The following FADS6 variants were observed in gnomAD, a reference collection of about 807,000 sequenced individuals.
FADS6 encodes fatty acid desaturase 6, also known as fatty acid desaturase domain family, member 6.
In FADS6, 28 loss-of-function variants were observed where a neutral mutation model predicts 31.7. The observed-to-expected ratio is 0.88, with a 90% CI of 0.66 to 1.21. The LOEUF is 1.21. FADS6 is among the 50% of genes most tolerant of loss of function. The pLI is 0.00. For missense variants in FADS6, 494 were observed against 504.2 expected (o/e 0.98, Z 0.19); for synonymous variants, 191 against 213.1 (o/e 0.90, Z 0.90).
intron 2 of FADS6, among the ~76,000 whole-genome samples, chr17:74,891,608 T>TA (rs2038689740): frequency 6.6e-6 from 1 of 152,054 alleles, no homozygotes; most frequent in Non-Finnish European, 1.5e-5. Context: ...TTCAGCACTT[T>TA]GATGTGTGTG....
intron 3 of FADS6, 33 bp downstream of exon 3, chr17:74,882,497 G>T: frequency 6.3e-7 from 1 of 1,582,812 alleles, no homozygotes; most frequent in Non-Finnish European, 8.6e-7. Flanking sequence ...GGTCCATGCA[G>T]GACACTGCGG....
Position 74,882,639 on chromosome 17 carries a change from C to G in FADS6, c.483G>C (p.Val161=). Residue 161 remains valine, a synonymous_variant, in exon 3 of 6, where the codon GTG becomes GTC. Transcript: ENST00000612771. ...HVKMHHAYTN[V]VGLGDSSTWR... is the part of the protein sequence containing the mutation. ...ACGTGCTGGAGTCCCCCAGGCCCAC[C>G]ACGTTGGTGTAGGCATGGTGCATCT... 2 of 1,611,604 alleles carry G rather than the reference C, an allele frequency of 1.2e-6. No individual in the cohort carries two copies. Among genetic ancestry groups the G allele is most frequent in the African/African-American group, 1.3e-5 (1 of 75,024 alleles).
intron 2 of FADS6, among the ~76,000 whole-genome samples, chr17:74,888,294 T>A (rs998673263): frequency 6.6e-6 from 1 of 152,106 alleles, no homozygotes; most frequent in Admixed American, 6.5e-5. Flanking sequence ...GCAAGGCCTG[T>A]GAATCTATAA....
At chr17:74,878,570 C>A (rs910109081) in intron 5 of FADS6, 93 bp from the exon 6 acceptor site, 5 of 1,460,902 alleles carry the variant, frequency 3.4e-6, no homozygotes, top group Non-Finnish European at 4.7e-6. Context: ...ATCTTCCCAC[C>A]CCCAGTTCCT....
chr17:74,892,476 C>T (rs760246757), intron 2 of FADS6, 47 bp downstream of exon 2: 14 of 1,574,912 alleles, frequency 8.9e-6, no homozygotes, highest in Non-Finnish European at 8.6e-7. Flanking sequence ...AATGAGGCTG[C>T]CACACGGTCC....
At chr17:74,885,321 A>C (rs1246870925) in intron 2 of FADS6, among the ~76,000 whole-genome samples, 3 of 152,244 alleles carry the variant, frequency 2.0e-5, no homozygotes, top group African/African-American at 4.8e-5. Flanking sequence ...AAAATAAATA[A>C]ATAAATATTA....
chr17:74,891,479 G>T lies in FADS6; in HGVS notation c.411+1044C>A, dbSNP rs563579747. 2.0e-5 allele frequency among the ~76,000 whole-genome samples: 3 copies of T among 152,214 alleles called. No individual in the cohort carries two copies. The South Asian group carries it at 6.2e-4, about 32-fold the overall frequency. On this transcript the variant is annotated intron_variant, in intron 2 of 5. Transcript: ENST00000612771. ...ACAAACTTGGCGGGCAGCTGACCCA[G>T]ACTCCAGAGCCTGGCCCGTGTCTTA...
downstream of FADS6, chr17:74,877,227 T>C (rs1164926054): frequency 6.7e-6 from 1 of 149,750 alleles, no homozygotes; most frequent in Admixed American, 6.6e-5. Flanking sequence ...CAGTAGATGA[T>C]CCCCAGGTTC....
At position 74,882,786 on chromosome 17, in the gene FADS6, G is replaced by A. The variant is rs116260908; in HGVS notation, c.412-76C>T. On this transcript the variant is annotated intron_variant, in intron 2 of 5. Transcript: ENST00000612771. ...AGCAATGCAGGACCTTTGAGAGCCCGGAGAACACCCCCACCTCCTCAAACC... is the reference window on the plus strand; with the variant it reads ...AGCAATGCAGGACCTTTGAGAGCCCAGAGAACACCCCCACCTCCTCAAACC... 4.0e-3 allele frequency: 6,236 copies of A among 1,544,348 alleles called. 174 individuals carry two copies. In the African/African-American group the frequency reaches 0.07, roughly 17 times the overall value.
chr17:74,875,755 G>T (rs1056629102), downstream of FADS6, among the ~76,000 whole-genome samples: 1 of 152,252 alleles, frequency 6.6e-6, no homozygotes, highest in African/African-American at 2.4e-5. Flanking sequence ...GCATTTCCAA[G>T]GAGCAGCAAT....
chr17:74,876,491 T>C (rs966946499), downstream of FADS6, among the ~76,000 whole-genome samples: 4 of 152,008 alleles, frequency 2.6e-5, no homozygotes, highest in African/African-American at 7.3e-5. Flanking sequence ...CAACACAGAA[T>C]TGGCCAGATA....
chr17:74,879,302 G>T, intron 5 of FADS6, 102 bp downstream of exon 5: 2 of 1,416,676 alleles, frequency 1.4e-6, no homozygotes, highest in Non-Finnish European at 1.9e-6. Flanking sequence ...CTCCGCAAGT[G>T]CCAGGATTAT....
rs535361532 is a variant in FADS6 at position 74,879,578 on chromosome 17, G to A, written c.786C>T (p.Ile262=). 76 of 1,611,184 alleles carry A rather than the reference G, an allele frequency of 4.7e-5. No homozygotes were observed. Among genetic ancestry groups the A allele is most frequent in the East Asian group, 2.2e-4 (10 of 44,806 alleles). Residue 262 remains isoleucine (I), a synonymous_variant, in exon 5 of 6, where the codon ATC becomes ATT. Transcript: ENST00000612771. ...TGTCCCGGGAGAACATGGGCAGTCCGATGTGCTGTGACAGACACGTGGGTC... is the reference window on the plus strand; with the variant it reads ...TGTCCCGGGAGAACATGGGCAGTCCAATGTGCTGTGACAGACACGTGGGTC... The part of the protein sequence containing the change: ...PYLHVNIFQH[I]GLPMFSRDNK...
At position 74,879,608 on chromosome 17, in the gene FADS6, C is replaced by T. The variant is rs752697285; in HGVS notation, c.781-25G>A. ...GCTGTGACAGACACGTGGGTCACGC[C>T]GGGCAGCCTGGACCTCCCCACCCCA... On this transcript the variant is annotated intron_variant, in intron 4 of 5. Transcript: ENST00000612771. The T allele has an allele frequency of 3.1e-5, 50 of 1,598,352 alleles. No homozygotes were observed. In the Admixed American group the frequency reaches 5.9e-4, roughly 19 times the overall value.
chr17:74,888,471 C>A (rs112750125), intron 2 of FADS6, among the ~76,000 whole-genome samples: 4 of 152,122 alleles, frequency 2.6e-5, no homozygotes, highest in Admixed American at 6.5e-5. Flanking sequence ...GTTGGAGAGA[C>A]GGCCTGGAGG....
chr17:74,884,211 G>T (rs910014059), intron 2 of FADS6, among the ~76,000 whole-genome samples: 19 of 152,134 alleles, frequency 1.2e-4, no homozygotes, highest in Non-Finnish European at 7.4e-5. Context: ...CATCCCAAAG[G>T]TGTCTAAAAC....
chr17:74,877,943 T>C lies in FADS6; in HGVS notation c.*388A>G, dbSNP rs1255616570. ...CCAGCCGAGGGAGCTGACCCTGTTC[T>C]CTCTGTGCCCCCTGCTATCTCCCAG... On this transcript the variant is annotated 3_prime_UTR_variant, in exon 6 of 6. Coordinates refer to ENST00000612771, the MANE Select transcript of FADS6 (RefSeq NM_178128.6). The C allele has an allele frequency of 4.0e-6, 4 of 1,000,342 alleles. No individual in the cohort carries two copies. The highest frequency in any genetic ancestry group is 2.1e-4 in the East Asian group (2 of 9,574). 62.0% of individuals were successfully genotyped at this position (1,000,342 alleles called of 1,614,324 possible).
intron 4 of FADS6, among the ~76,000 whole-genome samples, chr17:74,880,447 C>T (rs2038555735): frequency 1.3e-5 from 2 of 152,062 alleles, no homozygotes; most frequent in South Asian, 2.1e-4. Flanking sequence ...CTCTGCCTCC[C>T]GGGTTCAAGC....
At position 74,881,270 on chromosome 17, in the gene FADS6, G is replaced by A; in HGVS notation, c.593-15C>T. On this transcript the variant is annotated splice_polypyrimidine_tract_variant and intron_variant, in intron 3 of 5. Transcript: ENST00000612771. ...CCTCAGCCGCTCTGCCATAGAGGGA[G>A]GGGACAGGCAAGGCTCAGATCCATC... is the stretch of plus-strand genomic sequence containing the variant. The A allele has an allele frequency of 6.3e-7, 1 of 1,581,028 alleles. No individual in the cohort carries two copies. The highest frequency in any genetic ancestry group is 8.6e-7 in the Non-Finnish European group (1 of 1,164,544).
Sources: gnomAD v4.1 joint callset for allele counts (sites outside exome capture counted in the v4.1 genomes callset) on GRCh38, gnomAD v4.1.1 for gene constraint, MANE v1.5 for transcripts, NCBI Gene and HGNC (gene_info 2026-07-23, HGNC 2026-07-21) for gene names.